Variants in MLLT10 observed in about 807,000 individuals in gnomAD.
MLLT10 encodes the protein MLLT10 histone lysine methyltransferase DOT1L cofactor, also known as protein AF-10.
A neutral mutation model predicts 129.1 loss-of-function variants in MLLT10; 30 were observed. That is an observed-to-expected ratio of 0.23 (90% CI 0.17 to 0.32). The LOEUF (loss-of-function observed/expected upper bound fraction) is 0.32, where lower values mean the gene tolerates loss of function less well. MLLT10 is among the 10% of genes least tolerant of loss of function. The pLI, the probability that MLLT10 is intolerant of heterozygous loss-of-function variation, is 1.00. For synonymous variants in MLLT10, 490 were observed against 446.4 expected, an observed-to-expected ratio of 1.10 and a Z score of -1.23; for missense variants, 1,119 against 1,268.3, an observed-to-expected ratio of 0.88 and a Z score of 1.79.
chr10:21,580,676 C>T lies in MLLT10; in HGVS notation c.241-5618C>T, dbSNP rs2041322816. ...AGGTGCTGGGATTACAGGCGTGAGC[C>T]TCCACACCCGTCCTATTTTGTGTAT... On this transcript the variant is annotated intron_variant, in intron 3 of 22. Transcript: ENST00000307729. Among the ~76,000 whole-genome samples, 4 of 151,724 alleles carry T rather than the reference C, an allele frequency of 2.6e-5. No homozygotes were observed. The South Asian group carries it at 8.3e-4, about 32-fold the overall frequency.
intron 8 of MLLT10, among the ~76,000 whole-genome samples, chr10:21,630,064 G>A (rs971444783): frequency 5.9e-5 from 9 of 152,216 alleles, no homozygotes; most frequent in African/African-American, 1.9e-4. Context: ...GAAGAAAGAA[G>A]AGAAGCATGT....
At chr10:21,582,926 T>C (rs1177656886) in intron 3 of MLLT10, among the ~76,000 whole-genome samples, 3 of 152,306 alleles carry the variant, frequency 2.0e-5, no homozygotes, top group African/African-American at 7.2e-5. Context: ...CCTAGCACTT[T>C]AGGAGGCTGA....
intron 3 of MLLT10, among the ~76,000 whole-genome samples, chr10:21,581,283 G>A (rs1224871476): frequency 1.3e-5 from 2 of 151,644 alleles, no homozygotes; most frequent in Admixed American, 6.6e-5. Context: ...TCCTGACCTC[G>A]TGATTGCCTG....
In MLLT10 at chr10:21,733,501, T is replaced by A; in HGVS notation, c.2408-3T>A. On this transcript the variant is annotated splice_region_variant and splice_polypyrimidine_tract_variant and intron_variant, in intron 18 of 22. Coordinates refer to ENST00000307729, the MANE Select transcript of MLLT10 (RefSeq NM_001195626.3). ...GGTTTCTTTTTGTCTTTTATTATTC[T>A]AGCTCCTACTACTGATTCCTTGAAC... The A allele has an allele frequency of 6.6e-7, 1 of 1,512,960 alleles. No individual in the cohort carries two copies. Among genetic ancestry groups the A allele is most frequent in the Non-Finnish European group, 8.8e-7 (1 of 1,132,472 alleles). The allele number at this position is 1,512,960 out of a possible 1,614,324, so 93.7% of individuals were successfully genotyped here. A position where few individuals can be genotyped will look rare whatever the true frequency, so the allele number is the denominator to read the frequency against.
At position 21,617,537 on chromosome 10, in the gene MLLT10, G is replaced by A. The variant is rs550537683; in HGVS notation, c.699+330G>A. Among the ~76,000 whole-genome samples, 7 of 152,064 alleles carry A rather than the reference G, an allele frequency of 4.6e-5. No homozygotes were observed. The South Asian group carries it at 1.0e-3, about 23-fold the overall frequency. On this transcript the variant is annotated intron_variant, in intron 8 of 22. Coordinates refer to ENST00000307729, the MANE Select transcript of MLLT10 (RefSeq NM_001195626.3). ...CTATATATTATTAACTGATTTCTTC[G>A]CCTGTAAGTAATTATCAGCTTTTTT... is the stretch of plus-strand genomic sequence containing the variant.
At chr10:21,606,466 T>A (rs2044081761) in intron 5 of MLLT10, among the ~76,000 whole-genome samples, 1 of 152,218 alleles carries the variant, frequency 6.6e-6, no homozygotes, top group Non-Finnish European at 1.5e-5. Flanking sequence ...TTGAAAACTT[T>A]CTGGAGAGAA....
At chr10:21,571,198 A>AT (rs751859180) in intron 3 of MLLT10, among the ~76,000 whole-genome samples, 1 of 152,162 alleles carries the variant, frequency 6.6e-6, no homozygotes, top group Non-Finnish European at 1.5e-5. Context: ...TCTGGATGCT[A>AT]TTACCTCTAA....
At chr10:21,690,625 T>C (rs1166313492) in intron 13 of MLLT10, among the ~76,000 whole-genome samples, 1 of 152,052 alleles carries the variant, frequency 6.6e-6, no homozygotes, top group Non-Finnish European at 1.5e-5. Context: ...AGTGATCTCT[T>C]TCCTCTCCTC....
At chr10:21,608,227 G>GGC (rs2131178888) in intron 5 of MLLT10, among the ~76,000 whole-genome samples, 1 of 151,252 alleles carries the variant, frequency 6.6e-6, no homozygotes, top group Admixed American at 6.6e-5. Flanking sequence ...GGAGTGCAGT[G>GGC]GCACGATAAA....
chr10:21,594,253 T>C (rs1263062615), intron 4 of MLLT10, among the ~76,000 whole-genome samples: 1 of 151,936 alleles, frequency 6.6e-6, no homozygotes, highest in African/African-American at 2.4e-5. Flanking sequence ...TCTGAGTTTG[T>C]CAAAAGTACC....
At chr10:21,535,123 G>T (rs949869151) in intron 2 of MLLT10, among the ~76,000 whole-genome samples, 3 of 144,132 alleles carry the variant, frequency 2.1e-5, no homozygotes, top group African/African-American at 7.6e-5. Flanking sequence ...GGCCGGGGTG[G>T]GGGCGGGGGC....
chr10:21,681,114 C>T (rs937903975), intron 11 of MLLT10, among the ~76,000 whole-genome samples: 2 of 152,108 alleles, frequency 1.3e-5, no homozygotes, highest in African/African-American at 4.8e-5. Context: ...AGATACATTC[C>T]ACACACTCCC....
intron 5 of MLLT10, among the ~76,000 whole-genome samples, chr10:21,601,221 C>G (rs2043498574): frequency 6.6e-6 from 1 of 152,200 alleles, no homozygotes; most frequent in Admixed American, 6.6e-5. Flanking sequence ...GTTGGAATTA[C>G]AAGCGTGAGC....
chr10:21,636,412 G>T (rs2047462904), intron 8 of MLLT10, among the ~76,000 whole-genome samples: 1 of 152,134 alleles, frequency 6.6e-6, no homozygotes, highest in Non-Finnish European at 1.5e-5. Context: ...TTACAGGGTT[G>T]AGCCACTGCG....
chr10:21,540,348 C>T (rs2034919502), intron 3 of MLLT10, among the ~76,000 whole-genome samples: 1 of 151,858 alleles, frequency 6.6e-6, no homozygotes, highest in South Asian at 2.1e-4. Flanking sequence ...CAAGATTGTG[C>T]CACTGCACTC....
chr10:21,619,692 T>C (rs929194745), intron 8 of MLLT10, among the ~76,000 whole-genome samples: 17 of 152,202 alleles, frequency 1.1e-4, no homozygotes, highest in Non-Finnish European at 5.9e-5. Context: ...TGAATCTGTT[T>C]TTACATTTTG....
intron 8 of MLLT10, among the ~76,000 whole-genome samples, chr10:21,642,049 G>A (rs1347136417): frequency 6.6e-6 from 1 of 152,178 alleles, no homozygotes; most frequent in African/African-American, 2.4e-5. Flanking sequence ...GAGGAGAACA[G>A]CTAGAAAATT....
intron 13 of MLLT10, among the ~76,000 whole-genome samples, chr10:21,710,299 G>A (rs1412048856): frequency 6.6e-6 from 1 of 152,130 alleles, no homozygotes; most frequent in African/African-American, 2.4e-5. Context: ...ACATAAATGA[G>A]TGACATGGTA....
intron 3 of MLLT10, among the ~76,000 whole-genome samples, chr10:21,545,147 GAA>G (rs932518910): frequency 6.9e-6 from 1 of 144,838 alleles, no homozygotes; most frequent in African/African-American, 2.5e-5. Context: ...CTCCATCTCA[GAA>G]AAAAAAAAGA....
Sources: gnomAD v4.1 joint callset for allele counts (sites outside exome capture counted in the v4.1 genomes callset) on GRCh38, gnomAD v4.1.1 for gene constraint, MANE v1.5 for transcripts, NCBI Gene and HGNC (gene_info 2026-07-23, HGNC 2026-07-21) for gene names.